CHST3: variants seen among roughly 807,000 people sequenced by gnomAD.
The protein encoded by CHST3 is C6ST-1.
A neutral mutation model predicts 35.4 loss-of-function variants in CHST3; 20 were observed. That is an observed-to-expected ratio of 0.57 (90% CI 0.40 to 0.82). CHST3 has a LOEUF of 0.82. Ranked by LOEUF, CHST3 falls within the 40% of genes least tolerant of loss-of-function variation. The probability of loss-of-function intolerance (pLI) is 0.00; values close to 1 mark genes in which losing one functional copy is unlikely to be tolerated. For synonymous variants in CHST3, 334 were observed against 295.9 expected, an observed-to-expected ratio of 1.13 and a Z score of -1.32; for missense variants, 693 against 670.1, an observed-to-expected ratio of 1.03 and a Z score of -0.38.
At chr10:72,006,888 C>T (rs1239281662) in intron 2 of CHST3, among the ~76,000 whole-genome samples, 1 of 152,170 alleles carries the variant, frequency 6.6e-6, no homozygotes. Flanking sequence ...GAGTAACTGT[C>T]CCCCCCAGAT....
In CHST3 at chr10:72,008,684, G is replaced by A; in HGVS notation, c.*213G>A. 1 of 1,028,356 alleles carries A rather than the reference G, an allele frequency of 9.7e-7. No individual in the cohort carries two copies. Among genetic ancestry groups the A allele is most frequent in the Non-Finnish European group, 1.3e-6 (1 of 749,394 alleles). 63.7% of individuals were successfully genotyped at this position (1,028,356 alleles called of 1,614,324 possible). On this transcript the variant is annotated 3_prime_UTR_variant, in exon 3 of 3. Coordinates refer to ENST00000373115, the MANE Select transcript of CHST3 (RefSeq NM_004273.5). ...GTCCCCTTGAGGGCCATCACACCCA[G>A]ACCCAACGGGTTGCAGCCTCCTGAG...
At chr10:71,987,721 A>G (rs1195554464) in intron 1 of CHST3, among the ~76,000 whole-genome samples, 1 of 151,580 alleles carries the variant, frequency 6.6e-6, no homozygotes, top group Non-Finnish European at 1.5e-5. Flanking sequence ...TCTCAAAAAA[A>G]AAAAAAAAAA....
At chr10:71,982,432 C>T (rs1839809454) in intron 1 of CHST3, among the ~76,000 whole-genome samples, 1 of 152,200 alleles carries the variant, frequency 6.6e-6, no homozygotes, top group Non-Finnish European at 1.5e-5. Context: ...CCTCACACTT[C>T]TGACATTCAG....
intron 1 of CHST3, among the ~76,000 whole-genome samples, chr10:71,998,400 G>A (rs777890317): frequency 5.3e-5 from 8 of 152,186 alleles, no homozygotes; most frequent in Non-Finnish European, 8.8e-5. Context: ...GGGGCTGCCC[G>A]GCTACATGGT....
intron 1 of CHST3, among the ~76,000 whole-genome samples, chr10:72,002,652 C>T (rs77200377): frequency 0.027 from 4,085 of 152,314 alleles, 85 homozygotes; most frequent in Non-Finnish European, 0.04. Context: ...ATCATCAGCT[C>T]CAGACAACCT....
intron 1 of CHST3, among the ~76,000 whole-genome samples, chr10:71,986,883 A>G (rs1696892379): frequency 3.9e-5 from 6 of 152,174 alleles, no homozygotes; most frequent in Admixed American, 3.9e-4. Context: ...GCCTGTGTGC[A>G]ATCTTCCCAA....
At chr10:71,996,438 G>A (rs914406839) in intron 1 of CHST3, among the ~76,000 whole-genome samples, 2 of 130,224 alleles carry the variant, frequency 1.5e-5, no homozygotes, top group African/African-American at 6.2e-5. Flanking sequence ...CCCCCCCAAC[G>A]TATGTGTCTC....
Position 71,985,638 on chromosome 10 carries a change from C to G in CHST3, c.-107-20098C>G, listed in dbSNP as rs867345757. On this transcript the variant is annotated intron_variant, in intron 1 of 2. Coordinates refer to ENST00000373115, the MANE Select transcript of CHST3 (RefSeq NM_004273.5). The stretch of plus-strand genomic sequence containing the variant: ...GCAAAGATCTCTTGAAACCCTGCCT[C>G]CTGTTGTGGGAGCTAGTTTTCTTTT... Among the ~76,000 whole-genome samples, 3 of 152,304 alleles carry G rather than the reference C, an allele frequency of 2.0e-5. No individual in the cohort carries two copies. The South Asian group carries it at 6.2e-4, about 32-fold the overall frequency.
At chr10:71,968,216 T>C (rs1332165888) in intron 1 of CHST3, among the ~76,000 whole-genome samples, 1 of 152,228 alleles carries the variant, frequency 6.6e-6, no homozygotes, top group Admixed American at 6.5e-5. Context: ...ATTGTGGTTT[T>C]GATTTGCATT....
rs759382476 is a variant in CHST3, at chr10:72,007,518, G to C, written c.487G>C (p.Glu163Gln). 1 of 1,603,304 alleles carries C rather than the reference G, an allele frequency of 6.2e-7. No homozygotes were observed. The highest frequency in any genetic ancestry group is 8.5e-7 in the Non-Finnish European group (1 of 1,179,776). The change falls in exon 3 of 3, where the codon GAG becomes CAG. Residue 163 changes from glutamate (E) to glutamine (Q), a missense_variant. By Grantham distance (29) the Glu-to-Gln change is conservative (BLOSUM62 2). Coordinates refer to ENST00000373115, the MANE Select transcript of CHST3 (RefSeq NM_004273.5). ...NQQGNIFYLF[E>Q]PLWHIERTVS... ...GCAGGGCAACATCTTCTACCTCTTC[G>C]AGCCGCTGTGGCACATCGAGCGCAC... is the stretch of plus-strand genomic sequence containing the variant.
intron 1 of CHST3, among the ~76,000 whole-genome samples, chr10:71,967,756 T>C (rs1839645753): frequency 1.3e-5 from 2 of 152,304 alleles, no homozygotes; most frequent in South Asian, 4.1e-4. Flanking sequence ...CCAAACTGCT[T>C]TCCACAATGG....
chr10:71,970,335 T>A (rs1033793790), intron 1 of CHST3, among the ~76,000 whole-genome samples: 1 of 152,158 alleles, frequency 6.6e-6, no homozygotes, highest in African/African-American at 2.4e-5. Context: ...TCACTGAGGT[T>A]TCAGAGGACT....
rs1474488688 is a variant in CHST3, at chr10:72,005,709, G to A, written c.-107-27G>A. 7.5e-6 allele frequency: 8 copies of A among 1,059,778 alleles called. No individual in the cohort carries two copies. The East Asian group carries it at 1.5e-4, about 20-fold the overall frequency. The allele number at this position is 1,059,778 out of a possible 1,614,324, so 65.6% of individuals were successfully genotyped here. A position where few individuals can be genotyped will look rare whatever the true frequency, so the allele number is the denominator to read the frequency against. ...CTGCATTCCTCGTGTACAGACAAGG[G>A]TGTTCTGACCACCTGTCTCTCCGCA... On this transcript the variant is annotated intron_variant, in intron 1 of 2. Transcript: ENST00000373115.
In CHST3 at chr10:72,010,681, T is replaced by C. The variant is rs1027994851; in HGVS notation, c.*2210T>C. ...AGAGTAAGTTGTGCAGAGACATGGT[T>C]CTAATTTGGAGTTCAAAGGAACACC... is the stretch of plus-strand genomic sequence containing the variant. On this transcript the variant is annotated 3_prime_UTR_variant, in exon 3 of 3. Transcript: ENST00000373115. The C allele has an allele frequency of 5.3e-5, 8 of 152,194 alleles. No individual in the cohort carries two copies. The highest frequency in any genetic ancestry group is 1.0e-4 in the Non-Finnish European group (7 of 68,048). 9.4% of individuals were successfully genotyped at this position (152,194 alleles called of 1,614,324 possible). A position where few individuals can be genotyped will look rare whatever the true frequency, so the allele number is the denominator to read the frequency against.
chr10:71,991,094 A>C (rs907892201), intron 1 of CHST3, among the ~76,000 whole-genome samples: 1 of 152,142 alleles, frequency 6.6e-6, no homozygotes, highest in Non-Finnish European at 1.5e-5. Flanking sequence ...CAGGGGAGAG[A>C]GGCCTGGATG....
intron 1 of CHST3, among the ~76,000 whole-genome samples, chr10:72,001,753 G>A (rs1839995392): frequency 6.6e-6 from 1 of 152,192 alleles, no homozygotes; most frequent in Non-Finnish European, 1.5e-5. Flanking sequence ...TTACAGGCGT[G>A]AACCATCGTG....
chr10:71,965,221 C>A (rs1400435906), intron 1 of CHST3, among the ~76,000 whole-genome samples: 1 of 152,098 alleles, frequency 6.6e-6, no homozygotes, highest in Non-Finnish European at 1.5e-5. Flanking sequence ...TCTGCAGGAG[C>A]GAATTTGGTG....
intron 1 of CHST3, among the ~76,000 whole-genome samples, chr10:72,003,412 C>T (rs1379223231): frequency 1.3e-5 from 2 of 152,170 alleles, no homozygotes; most frequent in Non-Finnish European, 2.9e-5. Context: ...GGAATAGACT[C>T]TCCTATGCCA....
chr10:71,996,332 G>A (rs994042634), intron 1 of CHST3, among the ~76,000 whole-genome samples: 2 of 152,038 alleles, frequency 1.3e-5, no homozygotes, highest in African/African-American at 2.4e-5. Flanking sequence ...GAAACTGAAC[G>A]CACTCATAGC....
Sources: allele counts gnomAD v4.1 joint callset (sites outside exome capture counted in the v4.1 genomes callset), GRCh38; gene constraint gnomAD v4.1.1; transcripts MANE v1.5; gene names NCBI Gene and HGNC (gene_info 2026-07-23, HGNC 2026-07-21).